COL7A1: variants seen among roughly 807,000 people sequenced by gnomAD.
COL7A1 encodes collagen type VII alpha 1 chain, also known as collagen alpha-1(VII) chain.
A neutral mutation model predicts 456.2 loss-of-function variants in COL7A1; 296 were observed. That is an observed-to-expected ratio of 0.65 (90% confidence interval 0.59 to 0.71). COL7A1 has a LOEUF of 0.71. Among genes scored for constraint, COL7A1 ranks in the 30% least tolerant of loss-of-function variants. The probability of loss-of-function intolerance (pLI) is 0.00; values close to 1 mark genes in which losing one functional copy is unlikely to be tolerated. For missense variants in COL7A1, 3,441 were observed against 4,017.2 expected (o/e 0.86, Z 3.88); for synonymous variants, 1,464 against 1,525.9 (o/e 0.96, Z 0.95).
chr3:48,565,813 G>A lies in COL7A1; in HGVS notation c.8408-145C>T, dbSNP rs1378045224. ...TAACAGGAGAGAGAGGAAGAGAGAG[G>A]GTGGGAGGTAGATAGAGAGATGGAA... On this transcript the variant is annotated intron_variant, in intron 114 of 118. Transcript: ENST00000681320. The surrounding 1 kb of genome is among the most constrained non-coding windows in gnomAD (Gnocchi z 4.5). 8 of 819,662 alleles carry A rather than the reference G, an allele frequency of 9.8e-6. No individual in the cohort carries two copies. In the East Asian group the frequency reaches 1.1e-4, roughly 11 times the overall value. The allele number at this position is 819,662 out of a possible 1,614,324, so 50.8% of individuals were successfully genotyped here. A position where few individuals can be genotyped will look rare whatever the true frequency, so the allele number is the denominator to read the frequency against.
chr3:48,573,926 G>C lies in COL7A1; in HGVS notation c.6502-36C>G. On this transcript the variant is annotated intron_variant, in intron 80 of 118. Coordinates refer to ENST00000681320, the MANE Select transcript of COL7A1 (RefSeq NM_000094.4). The surrounding 1 kb of genome is among the most constrained non-coding windows in gnomAD (Gnocchi z 5.5). ...AGGGCACTGATGAGCCTCAATCTGG[G>C]CCTCACTTGGGCCTGTTCCCAACCT... 1 of 1,611,196 alleles carries C rather than the reference G, an allele frequency of 6.2e-7. No individual in the cohort carries two copies. Among genetic ancestry groups the C allele is most frequent in the Non-Finnish European group, 8.5e-7 (1 of 1,179,356 alleles).
intron 44 of COL7A1, 47 bp from the exon 45 acceptor site, chr3:48,582,700 G>A (rs2044858845): frequency 6.3e-7 from 1 of 1,599,182 alleles, no homozygotes; most frequent in Non-Finnish European, 8.6e-7. Flanking sequence ...GGGGACGGGG[G>A]ATATGGACAG....
rs1236645507 is a variant in COL7A1 at position 48,566,282 on chromosome 3, T to C, written c.8392A>G (p.Met2798Val). ...CACCACTCACCACAGTGCTGACTCA[T>C]CTCTTGGCGCACAAAGCCCCGGATG... Reference protein sequence around the residue: ...DDIRGFVRQEMSQHCACQGQF... With the variant: ...DDIRGFVRQEVSQHCACQGQF... The change falls in exon 114 of 119, where the codon ATG becomes GTG. Residue 2798 changes from methionine (M) to valine (V), a missense_variant. Met to Val is a conservative substitution (Grantham distance 21, BLOSUM62 1). Coordinates refer to ENST00000681320, the MANE Select transcript of COL7A1 (RefSeq NM_000094.4). This position sits in a 1 kb window ranked among gnomAD's most constrained non-coding sequence, Gnocchi z 5.9. 6.2e-7 allele frequency: 1 copy of C among 1,602,620 alleles called. No homozygotes were observed. Among genetic ancestry groups the C allele is most frequent in the African/African-American group, 1.3e-5 (1 of 74,896 alleles).
Position 48,585,931 on chromosome 3 carries a change from GACTCTT to G in COL7A1, c.3759+3_3759+8del, listed in dbSNP as rs772113492. 5.0e-6 allele frequency: 8 copies of G among 1,614,150 alleles called. No individual in the cohort carries two copies. In the South Asian group the frequency reaches 8.8e-5, roughly 18 times the overall value. ...AGCCTCTGTTCACCTCTCGATGAGG[GACTCTT>G]ACCTTTGGACAATACACTGGGCAGG... On this transcript the variant is annotated splice_donor_5th_base_variant and intron_variant, in intron 29 of 118. Transcript: ENST00000681320. This position sits in a 1 kb window ranked among gnomAD's most constrained non-coding sequence, Gnocchi z 4.5.
chr3:48,578,609 C>T lies in COL7A1; in HGVS notation c.5425-94G>A. On this transcript the variant is annotated intron_variant, in intron 63 of 118. Coordinates refer to ENST00000681320, the MANE Select transcript of COL7A1 (RefSeq NM_000094.4). This position sits in a 1 kb window ranked among gnomAD's most constrained non-coding sequence, Gnocchi z 4.7. ...AGAGGACCCCAAAAAGATCTCCCTC[C>T]AGGGTAGAGACCCCCAGGACTGAGA... 1 of 1,400,058 alleles carries T rather than the reference C, an allele frequency of 7.1e-7. No homozygotes were observed. Among genetic ancestry groups the T allele is most frequent in the Non-Finnish European group, 1.0e-6 (1 of 998,996 alleles). The allele number at this position is 1,400,058 out of a possible 1,614,324, so 86.7% of individuals were successfully genotyped here.
At position 48,567,436 on chromosome 3, in the gene COL7A1, T is replaced by C; in HGVS notation, c.8046+138A>G. On this transcript the variant is annotated intron_variant, in intron 109 of 118. Coordinates refer to ENST00000681320, the MANE Select transcript of COL7A1 (RefSeq NM_000094.4). The surrounding 1 kb of genome is among the most constrained non-coding windows in gnomAD (Gnocchi z 4.3). ...TGTGACCCCAACCCACCTTGACACCTCGAGACCAGCCCCACTTCAGCCCCC... is the reference window on the plus strand; with the variant it reads ...TGTGACCCCAACCCACCTTGACACCCCGAGACCAGCCCCACTTCAGCCCCC... The C allele has an allele frequency of 7.9e-7, 1 of 1,271,098 alleles. No individual in the cohort carries two copies. The highest frequency in any genetic ancestry group is 1.1e-6 in the Non-Finnish European group (1 of 888,782). 78.7% of individuals were successfully genotyped at this position (1,271,098 alleles called of 1,614,324 possible).
In COL7A1 at chr3:48,587,484, C is replaced by G. The variant is rs1269041580; in HGVS notation, c.2928G>C (p.Trp976Cys). ...AGCTGGATGCCCTGGACACTGGAGT[C>G]CAGGCCAAAGTCACCGAGTCGATCG... Reference protein sequence around the residue: ...DTSIDSVTLAWTPVSRASSYI... With the variant: ...DTSIDSVTLACTPVSRASSYI... The change falls in exon 23 of 119, where the codon TGG becomes TGC. Residue 976 changes from tryptophan to cysteine, a missense_variant. By Grantham distance (215) the Trp-to-Cys change is radical. Around this residue, in one of 3 missense-constraint regions of COL7A1, gnomAD observed 444 missense variants for 427.6 expected, o/e 1.04. Coordinates refer to ENST00000681320, the MANE Select transcript of COL7A1 (RefSeq NM_000094.4). The surrounding 1 kb of genome is among the most constrained non-coding windows in gnomAD (Gnocchi z 6.1). 6.2e-7 allele frequency: 1 copy of G among 1,613,342 alleles called. No individual in the cohort carries two copies.
At position 48,587,374 on chromosome 3, in the gene COL7A1, C is replaced by A; in HGVS notation, c.2993-38G>T. 6.2e-7 allele frequency: 1 copy of A among 1,612,918 alleles called. No homozygotes were observed. On this transcript the variant is annotated intron_variant, in intron 23 of 118. Coordinates refer to ENST00000681320, the MANE Select transcript of COL7A1 (RefSeq NM_000094.4). The surrounding 1 kb of genome is among the most constrained non-coding windows in gnomAD (Gnocchi z 6.1). ...GAACTTGATTAAAAAGCTGTCTCCACAGAGCCCCAACTGCCAGCCCACCCA... is the reference window on the plus strand; with the variant it reads ...GAACTTGATTAAAAAGCTGTCTCCAAAGAGCCCCAACTGCCAGCCCACCCA...
At position 48,583,325 on chromosome 3, in the gene COL7A1, C is replaced by A; in HGVS notation, c.4437+68G>T. Reference sequence around the variant, plus strand: ...GAACTCTTATCTCCTTATCTTCCAGCCTCCCCTAACACCATGGGGAGCCCA... The same window carrying A: ...GAACTCTTATCTCCTTATCTTCCAGACTCCCCTAACACCATGGGGAGCCCA... On this transcript the variant is annotated intron_variant, in intron 42 of 118. Coordinates refer to ENST00000681320, the MANE Select transcript of COL7A1 (RefSeq NM_000094.4). The surrounding 1 kb of genome is among the most constrained non-coding windows in gnomAD (Gnocchi z 5.1). The A allele has an allele frequency of 6.2e-7, 1 of 1,609,870 alleles. No homozygotes were observed. Among genetic ancestry groups the A allele is most frequent in the Non-Finnish European group, 8.5e-7 (1 of 1,176,348 alleles).
rs773024179 is a variant in COL7A1, at chr3:48,574,563, T to C, written c.6394-13A>G. The C allele has an allele frequency of 2.5e-6, 4 of 1,613,528 alleles. No homozygotes were observed. The African/African-American group carries it at 4.0e-5, about 16-fold the overall frequency. On this transcript the variant is annotated splice_polypyrimidine_tract_variant and intron_variant, in intron 78 of 118. Transcript: ENST00000681320. This position sits in a 1 kb window ranked among gnomAD's most constrained non-coding sequence, Gnocchi z 5.0. ...TGCCTGGCACACCCTGAAGGCAGAGTGTCGTGCCCTGAGCCCCCAGTCCCT... is the reference window on the plus strand; with the variant it reads ...TGCCTGGCACACCCTGAAGGCAGAGCGTCGTGCCCTGAGCCCCCAGTCCCT...
chr3:48,578,548 C>T lies in COL7A1; in HGVS notation c.5425-33G>A. 1 of 1,607,492 alleles carries T rather than the reference C, an allele frequency of 6.2e-7. No individual in the cohort carries two copies. The highest frequency in any genetic ancestry group is 8.5e-7 in the Non-Finnish European group (1 of 1,177,018). On this transcript the variant is annotated intron_variant, in intron 63 of 118. Transcript: ENST00000681320. The surrounding 1 kb of genome is among the most constrained non-coding windows in gnomAD (Gnocchi z 4.7). ...AAGTCTTTGTTAAGATTTATAGGGC[C>T]TCTGAGATATCCCTTGGGGCACACC... is the stretch of plus-strand genomic sequence containing the variant.
At position 48,572,343 on chromosome 3, in the gene COL7A1, C is replaced by T; in HGVS notation, c.6978+37G>A. On this transcript the variant is annotated intron_variant, in intron 90 of 118. Coordinates refer to ENST00000681320, the MANE Select transcript of COL7A1 (RefSeq NM_000094.4). This position sits in a 1 kb window ranked among gnomAD's most constrained non-coding sequence, Gnocchi z 4.6. Reference sequence around the variant, plus strand: ...AAGTTAGGCCACTGGAGAGACAGGACCCCCAGAACATCTGCTGTCAGAAGT... The same window carrying T: ...AAGTTAGGCCACTGGAGAGACAGGATCCCCAGAACATCTGCTGTCAGAAGT... 6.2e-7 allele frequency: 1 copy of T among 1,614,100 alleles called. No individual in the cohort carries two copies. Among genetic ancestry groups the T allele is most frequent in the Non-Finnish European group, 8.5e-7 (1 of 1,179,980 alleles).
At position 48,569,271 on chromosome 3, in the gene COL7A1, C is replaced by T; in HGVS notation, c.7686+104G>A. On this transcript the variant is annotated intron_variant, in intron 103 of 118. Transcript: ENST00000681320. The surrounding 1 kb of genome is among the most constrained non-coding windows in gnomAD (Gnocchi z 4.9). ...AGCCACAGAACCCCTTCCCCCTAAA[C>T]CCCAGAAAGCCTCCTCCTGTCCTCC... 7.1e-7 allele frequency: 1 copy of T among 1,409,816 alleles called. No individual in the cohort carries two copies. Among genetic ancestry groups the T allele is most frequent in the Non-Finnish European group, 1.0e-6 (1 of 995,910 alleles). The allele number at this position is 1,409,816 out of a possible 1,614,324, so 87.3% of individuals were successfully genotyped here.
rs1381526437 is a variant in COL7A1 at position 48,587,179 on chromosome 3, G to A, written c.3139+11C>T. The A allele has an allele frequency of 2.5e-6, 4 of 1,613,394 alleles. No homozygotes were observed. Among genetic ancestry groups the A allele is most frequent in the Admixed American group, 1.7e-5 (1 of 59,958 alleles). ...CACACCTTTCTGCCCTTCCCACTAC[G>A]CCCACTATACCTGGCGTCTGTGTGA... On this transcript the variant is annotated intron_variant, in intron 24 of 118. Transcript: ENST00000681320. The surrounding 1 kb of genome is among the most constrained non-coding windows in gnomAD (Gnocchi z 6.1).
chr3:48,572,634 GT>G lies in COL7A1; in HGVS notation c.6900+36del. ...ACAGGCTTGTGGGTGAGGCAGAGGA[GT>G]TGCTGCAGGGGGTGGAAGTCAGGGT... On this transcript the variant is annotated intron_variant, in intron 88 of 118. Coordinates refer to ENST00000681320, the MANE Select transcript of COL7A1 (RefSeq NM_000094.4). The surrounding 1 kb of genome is among the most constrained non-coding windows in gnomAD (Gnocchi z 4.6). The G allele has an allele frequency of 1.2e-6, 2 of 1,603,814 alleles. No homozygotes were observed. The highest frequency in any genetic ancestry group is 1.7e-6 in the Non-Finnish European group (2 of 1,174,924).
chr3:48,570,355 G>A lies in COL7A1; in HGVS notation c.7381-21C>T, dbSNP rs201633898. The A allele has an allele frequency of 3.3e-5, 53 of 1,614,038 alleles. No homozygotes were observed. The highest frequency in any genetic ancestry group is 8.9e-5 in the East Asian group (4 of 44,854). ...TCTCCCTGGAGACCAACAGGACACC[G>A]GGGATCAGTGAGGGGAATCAGTGGG... On this transcript the variant is annotated intron_variant, in intron 97 of 118. Coordinates refer to ENST00000681320, the MANE Select transcript of COL7A1 (RefSeq NM_000094.4). This position sits in a 1 kb window ranked among gnomAD's most constrained non-coding sequence, Gnocchi z 5.5.
rs1575416012 is a variant in COL7A1 at position 48,565,775 on chromosome 3, T to C, written c.8408-107A>G. The C allele has an allele frequency of 1.9e-6, 2 of 1,072,360 alleles. No homozygotes were observed. Among genetic ancestry groups the C allele is most frequent in the South Asian group, 2.7e-5 (2 of 74,150 alleles). The allele number at this position is 1,072,360 out of a possible 1,614,324, so 66.4% of individuals were successfully genotyped here. On this transcript the variant is annotated intron_variant, in intron 114 of 118. Coordinates refer to ENST00000681320, the MANE Select transcript of COL7A1 (RefSeq NM_000094.4). This position sits in a 1 kb window ranked among gnomAD's most constrained non-coding sequence, Gnocchi z 4.5. Reference sequence around the variant, plus strand: ...AGAGGGGTAGAGATACACAAAGAGATAGCAGGAGAGGGTAACAGGAGAGAG... The same window carrying C: ...AGAGGGGTAGAGATACACAAAGAGACAGCAGGAGAGGGTAACAGGAGAGAG...
At position 48,577,052 on chromosome 3, in the gene COL7A1, C is replaced by T. The variant is rs754248833; in HGVS notation, c.5533-25G>A. 6 of 1,613,802 alleles carry T rather than the reference C, an allele frequency of 3.7e-6. No homozygotes were observed. In the South Asian group the frequency reaches 5.5e-5, roughly 15 times the overall value. On this transcript the variant is annotated intron_variant, in intron 65 of 118. Coordinates refer to ENST00000681320, the MANE Select transcript of COL7A1 (RefSeq NM_000094.4). ...CCTGTGGGCAGAGGACTCACATCAG[C>T]CCAAACATTCACTGGTGTCTGGCTG...
chr3:48,584,032 T>C lies in COL7A1; in HGVS notation c.4224+3A>G. 3.7e-6 allele frequency: 6 copies of C among 1,614,016 alleles called. No individual in the cohort carries two copies. Among genetic ancestry groups the C allele is most frequent in the Non-Finnish European group, 4.2e-6 (5 of 1,179,972 alleles). On this transcript the variant is annotated splice_donor_region_variant and intron_variant, in intron 38 of 118. Transcript: ENST00000681320. ...CCCCTAGCACAACCTGTCCCTCACT[T>C]ACCCGCTCCCCACGATCGCCTTTGT...
Sources: allele counts gnomAD v4.1 joint callset, GRCh38; gene constraint gnomAD v4.1.1; regional missense constraint gnomAD v4.1.1; non-coding constraint Gnocchi (gnomAD v3.1); transcripts MANE v1.5; gene names NCBI Gene and HGNC (gene_info 2026-07-23, HGNC 2026-07-21).